Variants in AGO4 observed in about 807,000 individuals in gnomAD.
AGO4 encodes the protein argonaute RISC component 4.
Under a neutral mutation model 104.7 loss-of-function variants are expected in AGO4, and 33 were observed. That is an observed-to-expected ratio of 0.32 (90% confidence interval 0.24 to 0.42). The LOEUF (loss-of-function observed/expected upper bound fraction) is 0.42, where lower values mean the gene tolerates loss of function less well. Among genes scored for constraint, AGO4 ranks in the 10% least tolerant of loss-of-function variants. The probability of loss-of-function intolerance (pLI) is 1.00; values close to 1 mark genes in which losing one functional copy is unlikely to be tolerated. For synonymous variants in AGO4, 331 were observed against 364.7 expected (o/e 0.91, Z 1.05); for missense variants, 711 against 1,083.4 (o/e 0.66, Z 4.83).
intron 13 of AGO4, among the ~76,000 whole-genome samples, chr1:35,837,021 G>A (rs1644330475): frequency 6.6e-6 from 1 of 152,118 alleles, no homozygotes; most frequent in Admixed American, 6.5e-5. Flanking sequence ...TTCCCTTAAT[G>A]AGTAATGATG....
intron 15 of AGO4, among the ~76,000 whole-genome samples, chr1:35,843,168 C>T (rs1644488936): frequency 6.6e-6 from 1 of 152,098 alleles, no homozygotes; most frequent in Admixed American, 6.5e-5. Flanking sequence ...GAGGTTCAAG[C>T]GATTCTCCTG....
chr1:35,850,844 C>T lies in AGO4; in HGVS notation c.2278-10C>T. 1 of 1,266,544 alleles carries T rather than the reference C, an allele frequency of 7.9e-7. No individual in the cohort carries two copies. The highest frequency in any genetic ancestry group is 1.1e-6 in the Non-Finnish European group (1 of 902,044). 78.5% of individuals were successfully genotyped at this position (1,266,544 alleles called of 1,614,324 possible). A position where few individuals can be genotyped will look rare whatever the true frequency, so the allele number is the denominator to read the frequency against. On this transcript the variant is annotated splice_polypyrimidine_tract_variant and intron_variant, in intron 16 of 17. Coordinates refer to ENST00000373210, the MANE Select transcript of AGO4 (RefSeq NM_017629.4). ...AAAAAAAAACATTAATCATAAAACTCTCTCCTCAGGGAACCAGCCGTCCCT... is the reference window on the plus strand; with the variant it reads ...AAAAAAAAACATTAATCATAAAACTTTCTCCTCAGGGAACCAGCCGTCCCT...
chr1:35,848,679 A>G (rs1405131934), intron 15 of AGO4, among the ~76,000 whole-genome samples: 1 of 151,766 alleles, frequency 6.6e-6, no homozygotes, highest in Non-Finnish European at 1.5e-5. Flanking sequence ...AGAAAATGCT[A>G]TATACTTTAT....
At chr1:35,828,048 T>G (rs1330863090) in intron 7 of AGO4, among the ~76,000 whole-genome samples, 1 of 151,932 alleles carries the variant, frequency 6.6e-6, no homozygotes, top group African/African-American at 2.4e-5. Flanking sequence ...CCCAGCCTAC[T>G]GTTGTAATTC....
intron 12 of AGO4, among the ~76,000 whole-genome samples, chr1:35,834,432 T>C (rs1364056735): frequency 6.6e-6 from 1 of 152,204 alleles, no homozygotes; most frequent in Non-Finnish European, 1.5e-5. Flanking sequence ...CACATTCTTT[T>C]TTCTCTCTGC....
chr1:35,831,977 A>G, intron 9 of AGO4, 46 bp downstream of exon 9: 1 of 1,607,174 alleles, frequency 6.2e-7, no homozygotes, highest in Non-Finnish European at 8.5e-7. Flanking sequence ...TGAGATGACA[A>G]AAAACAAAAG....
In AGO4 at chr1:35,854,192, C is replaced by G. The variant is rs1010044318; in HGVS notation, c.*587C>G. 6.6e-6 allele frequency: 1 copy of G among 152,594 alleles called. No individual in the cohort carries two copies. Among genetic ancestry groups the G allele is most frequent in the Admixed American group, 6.5e-5 (1 of 15,284 alleles). 9.5% of individuals were successfully genotyped at this position (152,594 alleles called of 1,614,324 possible). A position where few individuals can be genotyped will look rare whatever the true frequency, so the allele number is the denominator to read the frequency against. The stretch of plus-strand genomic sequence containing the variant: ...ACTTTATCTTATTGATCTCTGCAGA[C>G]TTGTGCTGGTGCAAGTACATGCTGA... On this transcript the variant is annotated 3_prime_UTR_variant, in exon 18 of 18. Transcript: ENST00000373210.
At chr1:35,819,655 C>T (rs1053200095) in intron 2 of AGO4, among the ~76,000 whole-genome samples, 1 of 151,150 alleles carries the variant, frequency 6.6e-6, no homozygotes, top group South Asian at 2.1e-4. Flanking sequence ...ATCACTTGAA[C>T]CCGGGAGACG....
At chr1:35,853,051 C>T (rs1022111651) in intron 17 of AGO4, among the ~76,000 whole-genome samples, 3 of 152,042 alleles carry the variant, frequency 2.0e-5, no homozygotes, top group Non-Finnish European at 4.4e-5. Flanking sequence ...GAGATCGAGA[C>T]CATCCTGGCT....
At chr1:35,853,127 T>C (rs1287641442) in intron 17 of AGO4, among the ~76,000 whole-genome samples, 1 of 151,688 alleles carries the variant, frequency 6.6e-6, no homozygotes, top group East Asian at 1.9e-4. Flanking sequence ...GGCGGGCGCC[T>C]GTAGTCCCAG....
chr1:35,816,703 G>A (rs1438489960), intron 1 of AGO4, among the ~76,000 whole-genome samples, 179 bp from the exon 2 acceptor site: 2 of 151,564 alleles, frequency 1.3e-5, no homozygotes, highest in Non-Finnish European at 2.9e-5. Flanking sequence ...AGAGGCTGAG[G>A]CAGGAGAATC....
At chr1:35,848,273 C>G (rs569069727) in intron 15 of AGO4, among the ~76,000 whole-genome samples, 75 of 152,238 alleles carry the variant, frequency 4.9e-4, no homozygotes, top group African/African-American at 1.6e-3. Context: ...TGTGGATGAG[C>G]CACAGTTTGC....
At chr1:35,807,959 C>A (rs1348948247), upstream of AGO4, among the ~76,000 whole-genome samples, 1 of 151,768 alleles carries the variant, frequency 6.6e-6, no homozygotes, top group African/African-American at 2.4e-5. Context: ...GCAGAGCGGG[C>A]CAGCGGGCGC....
chr1:35,824,869 C>T (rs1025839445), intron 3 of AGO4, among the ~76,000 whole-genome samples: 4 of 152,170 alleles, frequency 2.6e-5, no homozygotes, highest in Non-Finnish European at 4.4e-5. Flanking sequence ...GTGCATCCAT[C>T]ATCACTATCC....
intron 3 of AGO4, 81 bp from the exon 4 acceptor site, chr1:35,825,232 G>T: frequency 7.1e-7 from 1 of 1,404,434 alleles, no homozygotes; most frequent in Admixed American, 1.9e-5. Context: ...CCTTATGCAT[G>T]TATCATACTG....
rs758154262 is a variant in AGO4 at position 35,825,958 on chromosome 1, A to G, written c.658A>G (p.Ile220Val). Residue 220 changes from isoleucine (I) to valine (V), a missense_variant, in exon 6 of 18, where the codon ATC becomes GTC. By Grantham distance (29) the Ile-to-Val change is conservative. Transcript: ENST00000373210. ...AACTGCTTTCTACCGGGCTCAGCCT[A>G]TCATTGAGTTCATGTGTGAGGTTTT... Reference protein sequence around the residue: ...SATAFYRAQPIIEFMCEVLDI... With the variant: ...SATAFYRAQPVIEFMCEVLDI... The G allele has an allele frequency of 7.4e-6, 12 of 1,614,090 alleles. No homozygotes were observed. The highest frequency in any genetic ancestry group is 2.7e-5 in the African/African-American group (2 of 74,928).
chr1:35,812,647 A>G (rs1643547282), intron 1 of AGO4, among the ~76,000 whole-genome samples: 1 of 151,896 alleles, frequency 6.6e-6, no homozygotes. Context: ...GCTGGATTGC[A>G]GTGGCATGAT....
At chr1:35,825,207 A>G in intron 3 of AGO4, 106 bp from the exon 4 acceptor site, 2 of 1,196,582 alleles carry the variant, frequency 1.7e-6, no homozygotes, top group South Asian at 1.6e-5. Context: ...TGTAAAAAAA[A>G]GTTAAAAGAA....
At chr1:35,828,286 C>G (rs900924804) in intron 7 of AGO4, among the ~76,000 whole-genome samples, 4 of 152,146 alleles carry the variant, frequency 2.6e-5, no homozygotes, top group Non-Finnish European at 5.9e-5. Context: ...TCCTGAGTAT[C>G]TGGGACTACA....
Sources: gnomAD v4.1 joint callset for allele counts (sites outside exome capture counted in the v4.1 genomes callset) on GRCh38, gnomAD v4.1.1 for gene constraint, MANE v1.5 for transcripts, NCBI Gene and HGNC (gene_info 2026-07-23, HGNC 2026-07-21) for gene names.